The following CNST variants were observed in gnomAD, a reference collection of about 807,000 sequenced individuals.
CNST encodes consortin.
Under a neutral mutation model 72.4 loss-of-function variants are expected in CNST, and 39 were observed. That is an observed-to-expected ratio of 0.54 (90% CI 0.42 to 0.70). CNST has a LOEUF of 0.70. Ranked by LOEUF, CNST falls within the 30% of genes least tolerant of loss-of-function variation. The pLI, the probability that CNST is intolerant of heterozygous loss-of-function variation, is 0.00. For missense variants in CNST, 871 were observed against 868.5 expected (o/e 1.00, Z -0.04); for synonymous variants, 332 against 320.1 (o/e 1.04, Z -0.40).
chr1:246,660,302 G>C lies in CNST; in HGVS notation c.1940G>C (p.Arg647Thr), dbSNP rs1251553684. The C allele has an allele frequency of 6.2e-7, 1 of 1,613,998 alleles. No individual in the cohort carries two copies. The highest frequency in any genetic ancestry group is 8.5e-7 in the Non-Finnish European group (1 of 1,180,010). The change falls in exon 10 of 11, where the codon AGA (arginine) becomes ACA (threonine). Residue 647 changes from arginine (R) to threonine (T), a missense_variant. Physicochemically the swap from Arg to Thr is moderately conservative, Grantham distance 71. Transcript: ENST00000366513. Reference sequence around the variant, plus strand: ...CACAAACCATCTAAGCGAAGAGTGAGATTCCAAGAAATAGACGATAGCTTG... The same window carrying C: ...CACAAACCATCTAAGCGAAGAGTGACATTCCAAGAAATAGACGATAGCTTG... ...MQHKPSKRRV[R>T]FQEIDDSLDQ...
intron 1 of CNST, among the ~76,000 whole-genome samples, chr1:246,580,896 A>G (rs1045734521): frequency 6.6e-6 from 1 of 151,952 alleles, no homozygotes; most frequent in African/African-American, 2.4e-5. Context: ...GCGCGCCACC[A>G]CACCCGGCTA....
At chr1:246,611,614 AC>A (rs1663321984) in intron 2 of CNST, among the ~76,000 whole-genome samples, 1 of 152,226 alleles carries the variant, frequency 6.6e-6, no homozygotes, top group Non-Finnish European at 1.5e-5. Flanking sequence ...ATGGAAAAAA[AC>A]CAGCACAGAT....
intron 9 of CNST, among the ~76,000 whole-genome samples, chr1:246,656,233 AG>A (rs141365876): frequency 0.1 from 15,839 of 152,240 alleles, 2,772 homozygotes; most frequent in African/African-American, 0.36. Flanking sequence ...CACTTCCAAC[AG>A]CAGTGTGTCT....
chr1:246,644,716 C>G (rs1352793445), intron 8 of CNST, among the ~76,000 whole-genome samples: 7 of 152,234 alleles, frequency 4.6e-5, no homozygotes, highest in African/African-American at 1.7e-4. Context: ...TGGGGGTTCT[C>G]TCTGCCCTGT....
At chr1:246,644,236 A>C (rs1235120272) in intron 8 of CNST, among the ~76,000 whole-genome samples, 1 of 152,086 alleles carries the variant, frequency 6.6e-6, no homozygotes, top group African/African-American at 2.4e-5. Context: ...AAAATACAAA[A>C]AAATTAGCCG....
chr1:246,610,557 G>A (rs879429904), intron 2 of CNST, among the ~76,000 whole-genome samples: 1 of 152,148 alleles, frequency 6.6e-6, no homozygotes, highest in African/African-American at 2.4e-5. Context: ...TTGAAAACCG[G>A]ACATTGGTGT....
At chr1:246,620,669 G>A (rs574359562) in intron 2 of CNST, among the ~76,000 whole-genome samples, 66 of 127,406 alleles carry the variant, frequency 5.2e-4, no homozygotes, top group African/African-American at 1.9e-3. Flanking sequence ...GCATACACAC[G>A]ATGGGCTCTG....
chr1:246,635,379 A>G (rs555025395), intron 6 of CNST, among the ~76,000 whole-genome samples: 8 of 151,964 alleles, frequency 5.3e-5, no homozygotes, highest in South Asian at 4.2e-4. Context: ...GAGGACCCCA[A>G]TGATGAAGAT....
At chr1:246,593,571 T>A (rs1661686757) in intron 2 of CNST, among the ~76,000 whole-genome samples, 1 of 152,168 alleles carries the variant, frequency 6.6e-6, no homozygotes, top group South Asian at 2.1e-4. Flanking sequence ...CTCAAACTCC[T>A]GACCTCGTGA....
chr1:246,622,324 G>A (rs1051835910), intron 3 of CNST, among the ~76,000 whole-genome samples: 2 of 152,222 alleles, frequency 1.3e-5, no homozygotes, highest in Non-Finnish European at 2.9e-5. Flanking sequence ...CTATCGATAA[G>A]TAAGTGTGGA....
intron 3 of CNST, among the ~76,000 whole-genome samples, chr1:246,624,595 A>G (rs1664302191): frequency 6.6e-6 from 1 of 152,244 alleles, no homozygotes; most frequent in Non-Finnish European, 1.5e-5. Context: ...GGGTGACAAG[A>G]TTCGGTTGAT....
rs116458218 is a variant in CNST at position 246,612,148 on chromosome 1, T to C, written c.380-9281T>C. ...TGAGCACTGAGTTTCTCTTTGGGAA[T>C]GATGAAAAGTTTTGGAAATGGATAG... On this transcript the variant is annotated intron_variant, in intron 2 of 10. Transcript: ENST00000366513. 4.7e-3 allele frequency among the ~76,000 whole-genome samples: 712 copies of C among 152,312 alleles called. 9 individuals carry two copies. Among genetic ancestry groups the C allele is most frequent in the African/African-American group, 0.016 (671 of 41,560 alleles).
At position 246,591,654 on chromosome 1, in the gene CNST, G is replaced by A. The variant is rs142551939; in HGVS notation, c.92G>A (p.Cys31Tyr). The change falls in exon 2 of 11, where the codon TGT becomes TAT. Residue 31 changes from cysteine to tyrosine, a missense_variant. By Grantham distance (194) the Cys-to-Tyr change is radical. Transcript: ENST00000366513. ...PGDSVERSVT[C>Y]LPSASDENEN... is the part of the protein sequence containing the mutation. Reference sequence around the variant, plus strand: ...GACAGCGTGGAAAGGAGTGTGACCTGTCTGCCTTCTGCATCAGATGAAAAT... The same window carrying A: ...GACAGCGTGGAAAGGAGTGTGACCTATCTGCCTTCTGCATCAGATGAAAAT... 2,639 of 1,614,104 alleles carry A rather than the reference G, an allele frequency of 1.6e-3. 5 individuals are homozygous for A. Among genetic ancestry groups the A allele is most frequent in the Non-Finnish European group, 2.1e-3 (2,436 of 1,180,048 alleles).
chr1:246,576,799 T>G (rs970531810), intron 1 of CNST, among the ~76,000 whole-genome samples: 1 of 151,852 alleles, frequency 6.6e-6, no homozygotes, highest in African/African-American at 2.4e-5. Flanking sequence ...CAGCCACAAA[T>G]TATATTTCTT....
intron 1 of CNST, among the ~76,000 whole-genome samples, chr1:246,579,244 T>A (rs1050258911): frequency 4.6e-5 from 7 of 152,218 alleles, no homozygotes; most frequent in Non-Finnish European, 5.9e-5. Context: ...GAGTGTCCAT[T>A]TATCATCCTG....
chr1:246,628,729 C>T (rs929278665), intron 3 of CNST, among the ~76,000 whole-genome samples: 2 of 152,216 alleles, frequency 1.3e-5, no homozygotes, highest in Non-Finnish European at 2.9e-5. Context: ...CAGATACCCC[C>T]TTCTTCACAC....
intron 9 of CNST, among the ~76,000 whole-genome samples, chr1:246,657,599 A>G (rs1214780322): frequency 6.6e-6 from 1 of 152,216 alleles, no homozygotes; most frequent in East Asian, 1.9e-4. Flanking sequence ...GAATTCAGAA[A>G]AAGTTGCCAG....
chr1:246,573,553 C>T (rs191194298), intron 1 of CNST, among the ~76,000 whole-genome samples: 87 of 152,258 alleles, frequency 5.7e-4, no homozygotes, highest in Admixed American at 1.1e-3. Context: ...GCTTTTTATC[C>T]TTCCTGTCTC....
intron 2 of CNST, chr1:246,606,549 T>A (rs1346982664): frequency 1.3e-5 from 2 of 152,214 alleles, no homozygotes; most frequent in Non-Finnish European, 2.9e-5. Flanking sequence ...ACACGAGCAT[T>A]TCCAGGGCTG....
Sources: allele counts gnomAD v4.1 joint callset (sites outside exome capture counted in the v4.1 genomes callset), GRCh38; gene constraint gnomAD v4.1.1; transcripts MANE v1.5; gene names NCBI Gene and HGNC (gene_info 2026-07-23, HGNC 2026-07-21).